The following UBA2 variants were observed in gnomAD, a reference collection of about 807,000 sequenced individuals.
UBA2 encodes the protein SUMO-activating enzyme subunit 2.
In UBA2, 11 loss-of-function variants were observed where a neutral mutation model predicts 77.2. The ratio of observed to expected loss-of-function variants is 0.14; its 90% confidence interval spans 0.09 to 0.24. UBA2 has a LOEUF of 0.24. Ranked by LOEUF, UBA2 falls within the 10% of genes least tolerant of loss-of-function variation. UBA2 has a pLI of 1.00. For missense variants in UBA2, 487 were observed against 781.7 expected (o/e 0.62, Z 4.50); for synonymous variants, 278 against 276.7 (o/e 1.00, Z -0.05).
intron 12 of UBA2, among the ~76,000 whole-genome samples, chr19:34,456,376 A>C (rs1030565359): frequency 5.3e-5 from 8 of 151,510 alleles, no homozygotes; most frequent in Admixed American, 5.3e-4. Flanking sequence ...AGCCTCCCAG[A>C]GTACTGGGAT....
At chr19:34,443,157 CT>C (rs1299526892) in intron 6 of UBA2, among the ~76,000 whole-genome samples, 1 of 152,188 alleles carries the variant, frequency 6.6e-6, no homozygotes, top group East Asian at 1.9e-4. Flanking sequence ...TAGATGGGGA[CT>C]CTGCACCTGA....
rs201872016 is a variant in UBA2, at chr19:34,433,376, C to G, written c.322C>G (p.Gln108Glu). 236 of 1,611,934 alleles carry G rather than the reference C, an allele frequency of 1.5e-4. 5 individuals carry two copies. The South Asian group carries it at 2.1e-3, about 15-fold the overall frequency. ...TGACTATAATGTGGAATTTTTCCGACAGTTTATACTGGTTATGAATGCTTT... is the reference window on the plus strand; with the variant it reads ...TGACTATAATGTGGAATTTTTCCGAGAGTTTATACTGGTTATGAATGCTTT... Reference protein sequence around the residue: ...NPDYNVEFFRQFILVMNALDN... With the variant: ...NPDYNVEFFREFILVMNALDN... The change falls in exon 4 of 17, where the codon CAG (glutamine) becomes GAG (glutamate). Residue 108 changes from glutamine to glutamate, a missense_variant. Physicochemically the swap from Gln to Glu is conservative, Grantham distance 29. Coordinates refer to ENST00000246548, the MANE Select transcript of UBA2 (RefSeq NM_005499.3).
chr19:34,437,556 G>A (rs1482521698), intron 5 of UBA2, among the ~76,000 whole-genome samples: 2 of 151,904 alleles, frequency 1.3e-5, no homozygotes, highest in Non-Finnish European at 1.5e-5. Flanking sequence ...GTTGTGGTGA[G>A]CCTAGATCAC....
Position 34,433,364 on chromosome 19 carries a change from G to T in UBA2, c.310G>T (p.Glu104Ter). The change falls in exon 4 of 17, where the codon GAA becomes TAA. Residue 104 changes from glutamate (E) to a stop codon, truncating the protein, a stop_gained. Transcript: ENST00000246548. LOFTEE classifies it high-confidence loss of function. ...GTTTTGTAGCCCTGACTATAATGTG[G>T]AATTTTTCCGACAGTTTATACTGGT... ...DSIMNPDYNVEFFRQFILVMN... is the reference protein window; with the variant it reads ...DSIMNPDYNV 1 of 1,611,978 alleles carries T rather than the reference G, an allele frequency of 6.2e-7. No individual in the cohort carries two copies. The highest frequency in any genetic ancestry group is 1.1e-5 in the South Asian group (1 of 90,834).
chr19:34,428,936 G>A, intron 1 of UBA2: 1 of 991,902 alleles, frequency 1.0e-6, no homozygotes, highest in Non-Finnish European at 1.2e-6. Flanking sequence ...CGGATGTTGT[G>A]ACTTTAATTT....
rs763029692 is a variant in UBA2 at position 34,443,914 on chromosome 19, G to A, written c.649+3G>A. ...CAGAGCTGACCCTGAAGCTGCCTGT[G>A]AGTAAATTATTTGGCATATGTTTTA... On this transcript the variant is annotated splice_donor_region_variant and intron_variant, in intron 7 of 16. Coordinates refer to ENST00000246548, the MANE Select transcript of UBA2 (RefSeq NM_005499.3). 6.3e-7 allele frequency: 1 copy of A among 1,597,884 alleles called. No individual in the cohort carries two copies. The highest frequency in any genetic ancestry group is 2.2e-5 in the East Asian group (1 of 44,790).
intron 5 of UBA2, among the ~76,000 whole-genome samples, chr19:34,435,672 A>C (rs2075300515): frequency 6.6e-6 from 1 of 152,064 alleles, no homozygotes; most frequent in African/African-American, 2.4e-5. Context: ...TCTACAAAAA[A>C]TACAAAAATT....
At chr19:34,431,105 C>G (rs2075248220) in intron 2 of UBA2, among the ~76,000 whole-genome samples, 1 of 152,212 alleles carries the variant, frequency 6.6e-6, no homozygotes, top group South Asian at 2.1e-4. Context: ...ACCTGTTTGG[C>G]AAACCCCCAC....
At chr19:34,449,082 T>G (rs1231242401) in intron 8 of UBA2, among the ~76,000 whole-genome samples, 2 of 144,876 alleles carry the variant, frequency 1.4e-5, no homozygotes, top group Non-Finnish European at 3.0e-5. Context: ...TTTTTTTTTT[T>G]TTTTTTGAGA....
At chr19:34,462,241 T>G (rs183870213) in intron 14 of UBA2, among the ~76,000 whole-genome samples, 5 of 152,244 alleles carry the variant, frequency 3.3e-5, no homozygotes, top group African/African-American at 9.6e-5. Context: ...TGAGGGATTT[T>G]TACTAAGGCA....
At chr19:34,460,360 G>A in intron 13 of UBA2, 110 bp from the exon 14 acceptor site, 1 of 752,416 alleles carries the variant, frequency 1.3e-6, no homozygotes, top group Non-Finnish European at 2.2e-6. Context: ...GACTTCGCCG[G>A]TTTCCAATAA....
rs1450290275 is a variant in UBA2, at chr19:34,441,902, CAG to C, written c.582-1939_582-1938del. On this transcript the variant is annotated intron_variant, in intron 6 of 16. Coordinates refer to ENST00000246548, the MANE Select transcript of UBA2 (RefSeq NM_005499.3). ...TGCTACTGCACTCCAACCTGGGGGA[CAG>C]AGCGAGACTGTGTCTCAGAAAAAGA... is the stretch of plus-strand genomic sequence containing the variant. Among the ~76,000 whole-genome samples the C allele has an allele frequency of 7.9e-5, 11 of 139,084 alleles. No individual in the cohort carries two copies. The Admixed American group carries it at 8.6e-4, about 11-fold the overall frequency. 91.2% of individuals were successfully genotyped at this position (139,084 alleles called of 152,430 possible).
chr19:34,443,709 G>A (rs1322744646), intron 6 of UBA2, 135 bp from the exon 7 acceptor site: 4 of 591,974 alleles, frequency 6.8e-6, no homozygotes, highest in Non-Finnish European at 1.2e-5. Flanking sequence ...CAAAATGTTG[G>A]GATTAAAGGT....
intron 8 of UBA2, among the ~76,000 whole-genome samples, chr19:34,449,907 A>G (rs1230820676): frequency 6.6e-6 from 1 of 152,094 alleles, no homozygotes; most frequent in East Asian, 1.9e-4. Context: ...TTGTACATTT[A>G]TTTACAACTA....
intron 8 of UBA2, among the ~76,000 whole-genome samples, chr19:34,446,948 TAC>T (rs1175768369): frequency 1.3e-5 from 2 of 152,296 alleles, no homozygotes; most frequent in Non-Finnish European, 2.9e-5. Context: ...ATTTCCTCAC[TAC>T]AGCCCTTTTC....
chr19:34,439,057 A>G (rs185057796), intron 6 of UBA2, among the ~76,000 whole-genome samples: 74 of 152,202 alleles, frequency 4.9e-4, no homozygotes, highest in African/African-American at 1.7e-3. Context: ...AAAATACAAA[A>G]ATTAGTTGGC....
In UBA2 at chr19:34,450,255, C is replaced by T. The variant is rs1022468039; in HGVS notation, c.772-10C>T. 1.3e-6 allele frequency: 2 copies of T among 1,597,894 alleles called. No individual in the cohort carries two copies. The highest frequency in any genetic ancestry group is 1.7e-6 in the Non-Finnish European group (2 of 1,171,412). ...TATGGGGTTCATGGGATCTGTCTTTCTTTTGTAAGCTTTTTAAAGATGACA... is the reference window on the plus strand; with the variant it reads ...TATGGGGTTCATGGGATCTGTCTTTTTTTTGTAAGCTTTTTAAAGATGACA... On this transcript the variant is annotated splice_polypyrimidine_tract_variant and intron_variant, in intron 8 of 16. Coordinates refer to ENST00000246548, the MANE Select transcript of UBA2 (RefSeq NM_005499.3).
intron 5 of UBA2, among the ~76,000 whole-genome samples, chr19:34,435,881 G>A (rs958154929): frequency 6.6e-6 from 1 of 151,580 alleles, no homozygotes; most frequent in African/African-American, 2.4e-5. Flanking sequence ...CACTTTTTGG[G>A]AACCCGAAGC....
At chr19:34,445,820 A>T (rs1279265873) in intron 8 of UBA2, among the ~76,000 whole-genome samples, 2 of 151,948 alleles carry the variant, frequency 1.3e-5, no homozygotes, top group Admixed American at 1.3e-4. Context: ...GAACCCCATA[A>T]GCCCCTTTTT....
Sources: gnomAD v4.1 joint callset for allele counts (sites outside exome capture counted in the v4.1 genomes callset) on GRCh38, gnomAD v4.1.1 for gene constraint, MANE v1.5 for transcripts, NCBI Gene and HGNC (gene_info 2026-07-23, HGNC 2026-07-21) for gene names.